Variants in MELTF observed in about 807,000 individuals in gnomAD.
The protein encoded by MELTF is antigen p97 (melanoma associated) identified by monoclonal antibodies 133.2 and 96.5.
A neutral mutation model predicts 83.7 loss-of-function variants in MELTF; 67 were observed. The observed-to-expected ratio is 0.80, with a 90% CI of 0.66 to 0.98. The LOEUF is 0.98. Ranked by LOEUF, MELTF falls within the 50% of genes least tolerant of loss-of-function variation. The probability of loss-of-function intolerance (pLI) is 0.00; values close to 1 mark genes in which losing one functional copy is unlikely to be tolerated. For missense variants in MELTF, 1,002 were observed against 1,035.6 expected (o/e 0.97, Z 0.44); for synonymous variants, 462 against 447.6 (o/e 1.03, Z -0.41).
Position 197,008,886 on chromosome 3 carries a change from G to A in MELTF, c.1605C>T (p.Cys535=), listed in dbSNP as rs779249153. 1.2e-5 allele frequency: 19 copies of A among 1,614,066 alleles called. No homozygotes were observed. The East Asian group carries it at 3.1e-4, about 26-fold the overall frequency. The change falls in exon 12 of 16, where the codon TGC becomes TGT. Residue 535 remains cysteine, a synonymous_variant. Coordinates refer to ENST00000296350, the MANE Select transcript of MELTF (RefSeq NM_005929.6). The surrounding 1 kb of genome is among the most constrained non-coding windows in gnomAD (Gnocchi z 5.4). The part of the protein sequence containing the change: ...KNYPSSLCAL[C]VGDEQGRNKC... ...TGTTGCGGCCCTGCTCGTCCCCCAC[G>A]CACAGTGCACACAGCGAGGAGGGGT...
Position 197,027,698 on chromosome 3 carries a change from G to A in MELTF, c.204+58C>T, listed in dbSNP as rs771131842. The A allele has an allele frequency of 7.2e-5, 112 of 1,548,226 alleles. 2 individuals are homozygous for A. The highest frequency in any genetic ancestry group is 5.6e-4 in the South Asian group (47 of 84,514). On this transcript the variant is annotated intron_variant, in intron 2 of 15. Coordinates refer to ENST00000296350, the MANE Select transcript of MELTF (RefSeq NM_005929.6). ...CTTTCCTGGTGAATGGGGCTGTTGTGTGCTCCCTCCTGAGTCACAGCCCTC... is the reference window on the plus strand; with the variant it reads ...CTTTCCTGGTGAATGGGGCTGTTGTATGCTCCCTCCTGAGTCACAGCCCTC...
At chr3:197,028,995 G>C (rs975133435) in intron 1 of MELTF, 1 of 152,420 alleles carries the variant, frequency 6.6e-6, no homozygotes, top group African/African-American at 2.4e-5. Context: ...AAGTTCAGAC[G>C]GGGCGGGGGT....
Position 197,003,642 on chromosome 3 carries a change from C to T in MELTF, c.2138-191G>A, listed in dbSNP as rs1168824617. The T allele has an allele frequency of 4.5e-6, 3 of 662,054 alleles. No homozygotes were observed. Among genetic ancestry groups the T allele is most frequent in the African/African-American group, 1.8e-5 (1 of 55,018 alleles). 41.0% of individuals were successfully genotyped at this position (662,054 alleles called of 1,614,324 possible). A position where few individuals can be genotyped will look rare whatever the true frequency, so the allele number is the denominator to read the frequency against. ...AAAGGCAGCACACGCATGTCTCTGC[C>T]GTGGCCCCAGATCCTCCCCGCGCCG... On this transcript the variant is annotated intron_variant, in intron 15 of 15. Coordinates refer to ENST00000296350, the MANE Select transcript of MELTF (RefSeq NM_005929.6). The surrounding 1 kb of genome is among the most constrained non-coding windows in gnomAD (Gnocchi z 6.2).
In MELTF at chr3:197,003,499, G is replaced by A; in HGVS notation, c.2138-48C>T. 10 of 796,562 alleles carry A rather than the reference G, an allele frequency of 1.3e-5. No homozygotes were observed. Among genetic ancestry groups the A allele is most frequent in the Non-Finnish European group, 1.5e-5 (10 of 657,214 alleles). The allele number at this position is 796,562 out of a possible 1,614,324, so 49.3% of individuals were successfully genotyped here. ...AGGCCCCGAAGCCCGGGCCGCGGTG[G>A]CCGCCTCAGGCGCCCGCTCTGGGGT... is the stretch of plus-strand genomic sequence containing the variant. On this transcript the variant is annotated intron_variant, in intron 15 of 15. Transcript: ENST00000296350. The surrounding 1 kb of genome is among the most constrained non-coding windows in gnomAD (Gnocchi z 6.2).
chr3:197,014,952 A>T (rs1719307279), intron 9 of MELTF, among the ~76,000 whole-genome samples: 1 of 152,198 alleles, frequency 6.6e-6, no homozygotes, highest in Non-Finnish European at 1.5e-5. Flanking sequence ...AAGAAAAAAA[A>T]AGTCGAACAA....
intron 9 of MELTF, among the ~76,000 whole-genome samples, chr3:197,014,507 C>A (rs1420569605): frequency 1.3e-5 from 2 of 151,464 alleles, no homozygotes; most frequent in Non-Finnish European, 2.9e-5. Flanking sequence ...CCTGCCTCAG[C>A]CTCCCAAGTA....
rs372771334 is a variant in MELTF, at chr3:197,019,387, C to T, written c.712+2017G>A. ...GCCACTTCTACCCCTTGGCTCTTAC[C>T]AATCTTTCTGTATAAAGTCACTTAA... On this transcript the variant is annotated intron_variant, in intron 6 of 15. Transcript: ENST00000296350. The T allele has an allele frequency of 2.2e-4, 275 of 1,274,628 alleles. No individual in the cohort carries two copies. The African/African-American group carries it at 2.2e-3, about 10-fold the overall frequency. 79.0% of individuals were successfully genotyped at this position (1,274,628 alleles called of 1,614,324 possible).
At chr3:197,021,251 C>T (rs1347386382) in intron 6 of MELTF, 153 bp downstream of exon 6, 4 of 652,654 alleles carry the variant, frequency 6.1e-6, no homozygotes, top group African/African-American at 3.6e-5. Flanking sequence ...TGCTGAGGCT[C>T]GGAGACTGTG....
Position 197,003,863 on chromosome 3 carries a change from A to C in MELTF, c.2137+38T>G. ...AGGGTTCTGGGGTGAAGGGGTCTGA[A>C]TAGCACCAGGGGAGGCGGCAGGGCG... On this transcript the variant is annotated intron_variant, in intron 15 of 15. Transcript: ENST00000296350. The surrounding 1 kb of genome is among the most constrained non-coding windows in gnomAD (Gnocchi z 6.2). 1 of 1,603,796 alleles carries C rather than the reference A, an allele frequency of 6.2e-7. No homozygotes were observed. The highest frequency in any genetic ancestry group is 8.5e-7 in the Non-Finnish European group (1 of 1,174,732).
intron 10 of MELTF, among the ~76,000 whole-genome samples, chr3:197,010,246 G>A (rs1719140062): frequency 6.6e-6 from 1 of 152,234 alleles, no homozygotes; most frequent in Non-Finnish European, 1.5e-5. Context: ...CAAAGCCCCA[G>A]CCCAGGCCCC....
chr3:197,024,541 C>A lies in MELTF; in HGVS notation c.305-56G>T. The A allele has an allele frequency of 6.8e-7, 1 of 1,471,510 alleles. No individual in the cohort carries two copies. The highest frequency in any genetic ancestry group is 9.2e-7 in the Non-Finnish European group (1 of 1,088,970). The allele number at this position is 1,471,510 out of a possible 1,614,324, so 91.2% of individuals were successfully genotyped here. A position where few individuals can be genotyped will look rare whatever the true frequency, so the allele number is the denominator to read the frequency against. On this transcript the variant is annotated intron_variant, in intron 3 of 15. Coordinates refer to ENST00000296350, the MANE Select transcript of MELTF (RefSeq NM_005929.6). The surrounding 1 kb of genome is among the most constrained non-coding windows in gnomAD (Gnocchi z 5.3). Reference sequence around the variant, plus strand: ...CAGGGAGAGGCCTCGAGAGAGGCTGCACCAGCACCCTGCCTGGGCGGGCTG... The same window carrying A: ...CAGGGAGAGGCCTCGAGAGAGGCTGAACCAGCACCCTGCCTGGGCGGGCTG...
At position 197,026,644 on chromosome 3, in the gene MELTF, C is replaced by T. The variant is rs1719866713; in HGVS notation, c.304+16G>A. On this transcript the variant is annotated intron_variant, in intron 3 of 15. Transcript: ENST00000296350. ...CAGCGCAGGCTGTCCTCTCTCCTCC[C>T]ACTGCACCCTCTTACCTTGATCGTA... is the stretch of plus-strand genomic sequence containing the variant. 1 of 1,609,318 alleles carries T rather than the reference C, an allele frequency of 6.2e-7. No individual in the cohort carries two copies. Among genetic ancestry groups the T allele is most frequent in the Non-Finnish European group, 8.5e-7 (1 of 1,177,368 alleles).
rs937834862 is a variant in MELTF, at chr3:197,026,666, C to A, written c.298G>T (p.Asp100Tyr). ...GLKPVVGEVYDQEVGTSYYAV... is the reference protein window; with the variant it reads ...GLKPVVGEVYYQEVGTSYYAV... Reference sequence around the variant, plus strand: ...TCCCACTGCACCCTCTTACCTTGATCGTACACTTCGCCCACCACCGGCTTC... The same window carrying A: ...TCCCACTGCACCCTCTTACCTTGATAGTACACTTCGCCCACCACCGGCTTC... The change falls in exon 3 of 16, where the codon GAT becomes TAT. Residue 100 changes from aspartate to tyrosine, a missense_variant. Asp to Tyr is a radical substitution (Grantham distance 160). Coordinates refer to ENST00000296350, the MANE Select transcript of MELTF (RefSeq NM_005929.6). The A allele has an allele frequency of 1.5e-5, 25 of 1,612,960 alleles. No individual in the cohort carries two copies. The highest frequency in any genetic ancestry group is 2.1e-5 in the Non-Finnish European group (25 of 1,179,870).
At chr3:197,015,686 C>T (rs1308482770) in intron 8 of MELTF, among the ~76,000 whole-genome samples, 170 bp from the exon 9 acceptor site, 3 of 152,212 alleles carry the variant, frequency 2.0e-5, no homozygotes, top group African/African-American at 7.2e-5. Context: ...AACTGTGAGG[C>T]CTGAGGAAGA....
rs1280945190 is a variant in MELTF at position 197,003,528 on chromosome 3, G to GGTGGGA, written c.2138-78_2138-77insTCCCAC. 3 of 660,234 alleles carry GGTGGGA rather than the reference G, an allele frequency of 4.5e-6. No homozygotes were observed. In the African/African-American group the frequency reaches 5.3e-5, roughly 12 times the overall value. 40.9% of individuals were successfully genotyped at this position (660,234 alleles called of 1,614,324 possible). A position where few individuals can be genotyped will look rare whatever the true frequency, so the allele number is the denominator to read the frequency against. On this transcript the variant is annotated intron_variant, in intron 15 of 15. Coordinates refer to ENST00000296350, the MANE Select transcript of MELTF (RefSeq NM_005929.6). This position sits in a 1 kb window ranked among gnomAD's most constrained non-coding sequence, Gnocchi z 6.2. ...CCTCAGGCGCCCGCTCTGGGGTGGG[G>GGTGGGA]GTGGGGGCATCTTTCGGGACCGAAC...
chr3:197,023,604 C>G (rs943187335), intron 4 of MELTF, among the ~76,000 whole-genome samples: 1 of 152,202 alleles, frequency 6.6e-6, no homozygotes, highest in Non-Finnish European at 1.5e-5. Flanking sequence ...CTGCCAGCAC[C>G]AAAACCCACA....
At chr3:197,005,996 G>A (rs553052805) in intron 14 of MELTF, among the ~76,000 whole-genome samples, 15 of 152,174 alleles carry the variant, frequency 9.9e-5, no homozygotes, top group South Asian at 2.1e-4. Context: ...CGAGGTGGGC[G>A]GATCACGAGG....
In MELTF at chr3:197,009,794, G is replaced by A. The variant is rs1183723830; in HGVS notation, c.1349C>T (p.Ser450Leu). ...EHYAPEDSSN[S>L]YYVVAVVRRD... The stretch of plus-strand genomic sequence containing the variant: ...TCTCACCACGGCCACCACGTAGTAC[G>A]AGTTGCTGCTGTCTTCCGCTGGGGA... The change falls in exon 11 of 16, where the codon TCG (serine) becomes TTG (leucine). Residue 450 changes from serine (S) to leucine (L), a missense_variant. Physicochemically the swap from Ser to Leu is moderately radical, Grantham distance 145. Coordinates refer to ENST00000296350, the MANE Select transcript of MELTF (RefSeq NM_005929.6). 3.7e-6 allele frequency: 6 copies of A among 1,611,428 alleles called. 1 individual carries two copies. Among genetic ancestry groups the A allele is most frequent in the South Asian group, 2.2e-5 (2 of 91,062 alleles).
intron 9 of MELTF, among the ~76,000 whole-genome samples, chr3:197,014,297 T>TA (rs1330125204): frequency 1.3e-5 from 2 of 149,696 alleles, no homozygotes; most frequent in African/African-American, 2.5e-5. Flanking sequence ...ATGTGGAAGC[T>TA]AAAAAAAGTT....
Sources: allele counts gnomAD v4.1 joint callset (sites outside exome capture counted in the v4.1 genomes callset), GRCh38; gene constraint gnomAD v4.1.1; non-coding constraint Gnocchi (gnomAD v3.1); transcripts MANE v1.5; gene names NCBI Gene and HGNC (gene_info 2026-07-23, HGNC 2026-07-21).